EGFLAM: variants seen among roughly 807,000 people sequenced by gnomAD.
EGFLAM encodes the protein EGF like, fibronectin type III and laminin G domains, also known as pikachurin.
In EGFLAM, 79 loss-of-function variants were observed where a neutral mutation model predicts 113.1. The ratio of observed to expected loss-of-function variants is 0.70; its 90% CI spans 0.58 to 0.84. EGFLAM has a LOEUF of 0.84. EGFLAM is among the 40% of genes least tolerant of loss of function. EGFLAM has a pLI of 0.00. For missense variants in EGFLAM, 1,265 were observed against 1,291.6 expected (o/e 0.98, Z 0.32); for synonymous variants, 504 against 487.6 (o/e 1.03, Z -0.44).
At chr5:38,278,800 ATT>A (rs35990684) in intron 1 of EGFLAM, among the ~76,000 whole-genome samples, 29,415 of 150,180 alleles carry the variant, frequency 0.2, 4,318 homozygotes, top group African/African-American at 0.4. Context: ...CTGGTCAATG[ATT>A]TTTTTTTTTT....
At chr5:38,377,887 AC>A (rs2112052940) in intron 6 of EGFLAM, among the ~76,000 whole-genome samples, 1 of 152,294 alleles carries the variant, frequency 6.6e-6, no homozygotes, top group African/African-American at 2.4e-5. Context: ...TCTCTTTCAA[AC>A]CAAGCCCTCA....
At chr5:38,360,819 ATTATTTATTTATTTAT>A (rs141116123) in intron 5 of EGFLAM, among the ~76,000 whole-genome samples, 49 of 141,904 alleles carry the variant, frequency 3.5e-4, no homozygotes, top group East Asian at 8.3e-4. Flanking sequence ...GTGTTTTGAA[ATTATTTATTTATTTAT>A]TTATTTATTT....
intron 19 of EGFLAM, among the ~76,000 whole-genome samples, chr5:38,455,624 G>T (rs1052516314): frequency 6.6e-6 from 1 of 152,128 alleles, no homozygotes; most frequent in African/African-American, 2.4e-5. Flanking sequence ...GTATCAGCAC[G>T]TCAGAGGAAG....
At chr5:38,413,423 G>C (rs1170774648) in intron 11 of EGFLAM, among the ~76,000 whole-genome samples, 1 of 151,786 alleles carries the variant, frequency 6.6e-6, no homozygotes, top group Non-Finnish European at 1.5e-5. Flanking sequence ...AGGTTCACTT[G>C]GTTCAAAATG....
chr5:38,388,179 A>G lies in EGFLAM; in HGVS notation c.712+17717A>G, dbSNP rs372992860. Among the ~76,000 whole-genome samples the G allele has an allele frequency of 4.3e-4, 65 of 152,390 alleles. No homozygotes were observed. In the South Asian group the frequency reaches 0.013, roughly 32 times the overall value. ...ACACACCTTTTTAATTAAAAGAAGT[A>G]TGATAACATAATCAGAAATTAAATA... On this transcript the variant is annotated intron_variant, in intron 6 of 21. Transcript: ENST00000322350.
At chr5:38,292,765 A>T (rs531039260) in intron 1 of EGFLAM, among the ~76,000 whole-genome samples, 1 of 152,278 alleles carries the variant, frequency 6.6e-6, no homozygotes, top group South Asian at 2.1e-4. Flanking sequence ...AATCAAGGAG[A>T]ACTTTCTGGA....
intron 1 of EGFLAM, among the ~76,000 whole-genome samples, chr5:38,272,917 A>G (rs780914032): frequency 1.3e-5 from 2 of 152,222 alleles, no homozygotes; most frequent in African/African-American, 4.8e-5. Flanking sequence ...ACATTTAAAA[A>G]AATAAGATTT....
rs545128222 is a variant in EGFLAM at position 38,425,078 on chromosome 5, G to A, written c.1796G>A (p.Arg599Gln). The A allele has an allele frequency of 1.8e-5, 29 of 1,613,822 alleles. No homozygotes were observed. The highest frequency in any genetic ancestry group is 9.9e-5 in the South Asian group (9 of 91,030). ...ICLCPLGFKG[R>Q]HCEDAFTLTI... ...CTCTGTCCCCTTGGGTTTAAAGGTC[G>A]ACACTGTGAAGATGGTGAGAAAGAA... The change falls in exon 13 of 22, where the codon CGA (arginine) becomes CAA (glutamine). Residue 599 changes from arginine (R) to glutamine (Q), a missense_variant. Transcript: ENST00000322350.
At chr5:38,266,321 C>T (rs1757635032) in intron 1 of EGFLAM, among the ~76,000 whole-genome samples, 1 of 152,164 alleles carries the variant, frequency 6.6e-6, no homozygotes, top group African/African-American at 2.4e-5. Context: ...GTTATATATG[C>T]TCCATAATCC....
chr5:38,301,625 G>A (rs1044373791), intron 1 of EGFLAM, among the ~76,000 whole-genome samples: 2 of 152,210 alleles, frequency 1.3e-5, no homozygotes, highest in Non-Finnish European at 1.5e-5. Context: ...TATAGTTCAG[G>A]TTCTTTAAAT....
intron 1 of EGFLAM, among the ~76,000 whole-genome samples, chr5:38,307,753 C>A (rs992655398): frequency 6.6e-6 from 1 of 152,192 alleles, no homozygotes; most frequent in African/African-American, 2.4e-5. Flanking sequence ...GCATGTCAGT[C>A]CAACTAAAGA....
At chr5:38,340,162 G>A (rs1474297077) in intron 3 of EGFLAM, among the ~76,000 whole-genome samples, 1 of 152,178 alleles carries the variant, frequency 6.6e-6, no homozygotes, top group African/African-American at 2.4e-5. Context: ...TCTCTCTGAA[G>A]GTCACTGCTG....
intron 10 of EGFLAM, among the ~76,000 whole-genome samples, chr5:38,410,739 T>A (rs866762979): frequency 1.3e-5 from 2 of 152,210 alleles, no homozygotes; most frequent in South Asian, 4.1e-4. Flanking sequence ...ACCCCTCCTC[T>A]GTCTCACCTC....
chr5:38,392,173 C>T (rs1740830895), intron 6 of EGFLAM, among the ~76,000 whole-genome samples: 1 of 152,192 alleles, frequency 6.6e-6, no homozygotes, highest in Non-Finnish European at 1.5e-5. Flanking sequence ...AAGTTCTCAT[C>T]ATTTAGCTTC....
intron 1 of EGFLAM, among the ~76,000 whole-genome samples, chr5:38,334,977 C>T (rs968236063): frequency 9.2e-5 from 14 of 152,136 alleles, no homozygotes; most frequent in Admixed American, 7.9e-4. Flanking sequence ...GTACTACTGT[C>T]ATTTAGTGGG....
In EGFLAM at chr5:38,451,712, C is replaced by T. The variant is rs555039402; in HGVS notation, c.2687+254C>T. The T allele has an allele frequency of 6.2e-5, 28 of 453,000 alleles. No homozygotes were observed. In the South Asian group the frequency reaches 7.6e-4, roughly 12 times the overall value. The allele number at this position is 453,000 out of a possible 1,614,324, so 28.1% of individuals were successfully genotyped here. ...TTTGTAAATAAAGTCTTGCTGGGGC[C>T]GGGCACAGTGGCTCACGCCTGTAAT... On this transcript the variant is annotated intron_variant, in intron 19 of 21. Coordinates refer to ENST00000322350, the MANE Select transcript of EGFLAM (RefSeq NM_152403.4).
At chr5:38,266,393 A>G (rs1193578861) in intron 1 of EGFLAM, among the ~76,000 whole-genome samples, 6 of 152,260 alleles carry the variant, frequency 3.9e-5, no homozygotes, top group Non-Finnish European at 8.8e-5. Flanking sequence ...GTTCCAGGGA[A>G]GATCCAATAC....
At chr5:38,436,941 A>T (rs1742370390) in intron 16 of EGFLAM, among the ~76,000 whole-genome samples, 1 of 152,200 alleles carries the variant, frequency 6.6e-6, no homozygotes, top group African/African-American at 2.4e-5. Context: ...TTGGAAGCTT[A>T]GATTCGTGGC....
At chr5:38,413,729 T>A (rs1321914497) in intron 11 of EGFLAM, among the ~76,000 whole-genome samples, 4 of 152,140 alleles carry the variant, frequency 2.6e-5, no homozygotes, top group African/African-American at 9.7e-5. Flanking sequence ...CTCTCTACTC[T>A]TTGCCAGCAA....
Sources: allele counts gnomAD v4.1 joint callset (sites outside exome capture counted in the v4.1 genomes callset), GRCh38; gene constraint gnomAD v4.1.1; transcripts MANE v1.5; gene names NCBI Gene and HGNC (gene_info 2026-07-23, HGNC 2026-07-21).